WAC: variants seen among roughly 807,000 people sequenced by gnomAD.
The protein encoded by WAC is WW domain-containing adapter protein with coiled-coil.
In WAC, 11 loss-of-function variants were observed where a neutral mutation model predicts 79.6. The observed-to-expected ratio is 0.14, with a 90% CI of 0.09 to 0.23. The LOEUF is 0.23. Ranked by LOEUF, WAC falls within the 10% of genes least tolerant of loss-of-function variation. The pLI is 1.00. For missense variants in WAC, 728 were observed against 773.5 expected (o/e 0.94, Z 0.70); for synonymous variants, 304 against 276.9 (o/e 1.10, Z -0.97).
rs7902906 is a variant in WAC, at chr10:28,543,882, G to C, written c.274+8125G>C. On this transcript the variant is annotated intron_variant, in intron 3 of 13. Coordinates refer to ENST00000354911, the MANE Select transcript of WAC (RefSeq NM_016628.5). ...GGTTTCCTTTGTTTTGTTTTTTGTT[G>C]TTGCTGTTGTTGTACTTGTTGTTTG... Among the ~76,000 whole-genome samples the C allele has an allele frequency of 2.0e-3, 307 of 151,902 alleles. 2 individuals carry two copies. The highest frequency in any genetic ancestry group is 7.2e-3 in the African/African-American group (299 of 41,444).
At chr10:28,603,371 G>A (rs996781881) in intron 7 of WAC, among the ~76,000 whole-genome samples, 3 of 152,156 alleles carry the variant, frequency 2.0e-5, no homozygotes, top group African/African-American at 7.2e-5. Context: ...TTTCCTTAAT[G>A]CTTGGAAAAG....
At chr10:28,609,824 T>C (rs1446790596) in intron 8 of WAC, among the ~76,000 whole-genome samples, 1 of 152,106 alleles carries the variant, frequency 6.6e-6, no homozygotes, top group Non-Finnish European at 1.5e-5. Flanking sequence ...TGGTAAGCTG[T>C]GATTGCACAA....
intron 3 of WAC, chr10:28,537,486 T>C (rs1251782944): frequency 6.6e-6 from 1 of 152,222 alleles, no homozygotes; most frequent in Non-Finnish European, 1.5e-5. Flanking sequence ...TTTTAGTGAC[T>C]ATGATCCAGT....
At chr10:28,579,109 T>C (rs1164766016) in intron 3 of WAC, among the ~76,000 whole-genome samples, 2 of 152,160 alleles carry the variant, frequency 1.3e-5, no homozygotes, top group Non-Finnish European at 2.9e-5. Context: ...TTGGTTTAAA[T>C]GTACAACATT....
intron 3 of WAC, among the ~76,000 whole-genome samples, chr10:28,545,257 C>T (rs535354177): frequency 4.6e-5 from 7 of 151,940 alleles, no homozygotes; most frequent in East Asian, 1.9e-4. Flanking sequence ...TTTGGGAGGC[C>T]GAGGAGGGCG....
intron 7 of WAC, 76 bp downstream of exon 7, chr10:28,596,117 T>C (rs1840350812): frequency 7.0e-7 from 1 of 1,419,496 alleles, no homozygotes; most frequent in Non-Finnish European, 9.5e-7. Flanking sequence ...TATATTACAT[T>C]ATTTCCTTTG....
At chr10:28,591,114 C>T in intron 6 of WAC, 1 of 318,870 alleles carries the variant, frequency 3.1e-6, no homozygotes, top group Non-Finnish European at 5.8e-6. Flanking sequence ...TTCCCCTGAT[C>T]CCCCCAGACA....
At chr10:28,603,786 T>C (rs1427942507) in intron 7 of WAC, among the ~76,000 whole-genome samples, 2 of 150,894 alleles carry the variant, frequency 1.3e-5, no homozygotes, top group African/African-American at 4.9e-5. Flanking sequence ...TACAAAAAAT[T>C]AGCCGGTCGA....
chr10:28,538,710 C>G (rs1836824658), intron 3 of WAC, among the ~76,000 whole-genome samples: 1 of 149,378 alleles, frequency 6.7e-6, no homozygotes. Context: ...GGCAACATAG[C>G]AAGACCCTGT....
Position 28,537,832 on chromosome 10 carries a change from C to T in WAC, c.274+2075C>T, listed in dbSNP as rs557252557. ...GAACTCCAGGTACTTGTTAGCTTTTCGTTTTTAAAAATTTGCATCTTTCCT... is the reference window on the plus strand; with the variant it reads ...GAACTCCAGGTACTTGTTAGCTTTTTGTTTTTAAAAATTTGCATCTTTCCT... On this transcript the variant is annotated intron_variant, in intron 3 of 13. Coordinates refer to ENST00000354911, the MANE Select transcript of WAC (RefSeq NM_016628.5). Among the ~76,000 whole-genome samples the T allele has an allele frequency of 1.3e-3, 196 of 152,206 alleles. 1 individual carries two copies. The highest frequency in any genetic ancestry group is 4.6e-3 in the African/African-American group (189 of 41,516).
chr10:28,590,311 C>CAAA (rs34562281), intron 5 of WAC, among the ~76,000 whole-genome samples: 3 of 103,382 alleles, frequency 2.9e-5, no homozygotes, highest in Non-Finnish European at 3.9e-5. Context: ...GATGCTATCT[C>CAAA]AAAAAAAAAA....
intron 6 of WAC, chr10:28,591,865 C>G (rs1840106848): frequency 6.8e-6 from 1 of 148,118 alleles, no homozygotes; most frequent in Admixed American, 6.7e-5. Flanking sequence ...AAAAAATTAA[C>G]TGTCACATAG....
intron 7 of WAC, among the ~76,000 whole-genome samples, chr10:28,598,181 A>G (rs1840474789): frequency 6.6e-6 from 1 of 152,182 alleles, no homozygotes. Context: ...AGAAACTTCT[A>G]GTGGTTTTTT....
chr10:28,560,180 AAAAAT>A (rs1838224204), intron 3 of WAC, among the ~76,000 whole-genome samples: 1 of 152,230 alleles, frequency 6.6e-6, no homozygotes, highest in African/African-American at 2.4e-5. Flanking sequence ...TGTTTCTGCA[AAAAAT>A]AAAATAAAAA....
chr10:28,588,988 A>G (rs761245102), intron 4 of WAC: 1 of 152,198 alleles, frequency 6.6e-6, no homozygotes, highest in Non-Finnish European at 1.5e-5. Context: ...GGGCAATTAG[A>G]TACTTAACTA....
chr10:28,619,652 C>T lies in WAC; in HGVS notation c.*46C>T, dbSNP rs1230245296. ...GGTTTTGAGAACAGGAACTGTAAAT[C>T]TGTTGCCCAATCTTAACATTTTTGA... On this transcript the variant is annotated 3_prime_UTR_variant, in exon 14 of 14. Transcript: ENST00000354911. The T allele has an allele frequency of 7.4e-6, 11 of 1,482,190 alleles. No homozygotes were observed. The highest frequency in any genetic ancestry group is 9.9e-6 in the Non-Finnish European group (11 of 1,107,472). 91.8% of individuals were successfully genotyped at this position (1,482,190 alleles called of 1,614,324 possible). A position where few individuals can be genotyped will look rare whatever the true frequency, so the allele number is the denominator to read the frequency against.
chr10:28,547,974 G>A (rs1210245292), intron 3 of WAC, among the ~76,000 whole-genome samples: 1 of 143,758 alleles, frequency 7.0e-6, no homozygotes, highest in Non-Finnish European at 1.5e-5. Flanking sequence ...AACCTGGAGT[G>A]TAGTGGCGCA....
At chr10:28,555,603 C>G (rs924848052) in intron 3 of WAC, among the ~76,000 whole-genome samples, 2 of 152,186 alleles carry the variant, frequency 1.3e-5, no homozygotes, top group Admixed American at 1.3e-4. Context: ...AGGAAACATA[C>G]AGTGGTGAGG....
intron 7 of WAC, 119 bp from the exon 8 acceptor site, chr10:28,608,067 G>A (rs1215807284): frequency 9.1e-7 from 1 of 1,100,552 alleles, no homozygotes; most frequent in Admixed American, 2.1e-5. Context: ...GCTCCAGTGT[G>A]TAAGGGTTAA....
Sources: allele counts gnomAD v4.1 joint callset (sites outside exome capture counted in the v4.1 genomes callset), GRCh38; gene constraint gnomAD v4.1.1; transcripts MANE v1.5; gene names NCBI Gene and HGNC (gene_info 2026-07-23, HGNC 2026-07-21).